The following NUDT10 variants were observed in gnomAD, a reference collection of about 807,000 sequenced individuals.
NUDT10 encodes the protein diphosphoinositol polyphosphate phosphohydrolase 3-alpha.
Under a neutral mutation model 10.5 loss-of-function variants are expected in NUDT10, and 2 were observed. The observed-to-expected ratio is 0.19, with a 90% CI of 0.08 to 0.60. NUDT10 has a LOEUF of 0.60. Ranked by LOEUF, NUDT10 falls within the 20% of genes least tolerant of loss-of-function variation. The pLI, the probability that NUDT10 is intolerant of heterozygous loss-of-function variation, is 0.89. For missense variants in NUDT10, 75 were observed against 149.5 expected (o/e 0.50, Z 2.60); for synonymous variants, 53 against 71.8 (o/e 0.74, Z 1.32).
intron 1 of NUDT10, among the ~76,000 whole-genome samples, 170 bp downstream of exon 1, chrX:51,333,629 T>TCAAGA (rs1478221886): frequency 1.8e-5 from 2 of 109,124 alleles, no homozygotes; most frequent in Non-Finnish European, 3.8e-5. Context: ...GGCCCTGTTT[T>TCAAGA]CAGTTGGCAC....
At position 51,336,335 on chromosome X, in the gene NUDT10, C is replaced by T. The variant is rs1279702458; in HGVS notation, c.*96C>T. On this transcript the variant is annotated 3_prime_UTR_variant, in exon 2 of 2. Coordinates refer to ENST00000356450, the MANE Select transcript of NUDT10 (RefSeq NM_001304963.2). ...TGTGAAGCACAGATGAGCTCTTTCA[C>T]ACTCCAAGGACACAGCTCATCCTAT... 1.2e-5 allele frequency: 6 copies of T among 518,868 alleles called. No homozygotes were observed. The highest frequency in any genetic ancestry group is 2.1e-5 in the Non-Finnish European group (6 of 284,469). 42.8% of individuals were successfully genotyped at this position (518,868 alleles called of 1,213,427 possible). A position where few individuals can be genotyped will look rare whatever the true frequency, so the allele number is the denominator to read the frequency against.
upstream of NUDT10, chrX:51,332,433 C>G (rs1276819917): frequency 8.7e-6 from 1 of 114,950 alleles, no homozygotes; most frequent in Non-Finnish European, 1.8e-5. Context: ...GTGAATTTCG[C>G]TGTGCGCCAA....
chrX:51,335,295 G>A (rs1271970302), intron 1 of NUDT10, among the ~76,000 whole-genome samples: 1 of 92,134 alleles, frequency 1.1e-5, no homozygotes, highest in Admixed American at 1.2e-4. Context: ...TCCAGCCTGG[G>A]CGACCGTCTC....
chrX:51,333,304 T>A lies in NUDT10; in HGVS notation c.339T>A (p.Ile113=), dbSNP rs201467828. The A allele has an allele frequency of 2.6e-5, 31 of 1,208,673 alleles. No individual in the cohort carries two copies. Among genetic ancestry groups the A allele is most frequent in the Middle Eastern group, 2.3e-4 (1 of 4,344 alleles). The change falls in exon 1 of 2, where the codon ATT becomes ATA. Residue 113 remains isoleucine (I), a synonymous_variant. Coordinates refer to ENST00000356450, the MANE Select transcript of NUDT10 (RefSeq NM_001304963.2). ...LLEDWEDSVS[I]GRKREWFKVE... ...AGGATTGGGAAGATTCGGTTAGCAT[T>A]GGGAGGAAGCGAGAGTGGTTCAAAG...
upstream of NUDT10, chrX:51,332,799 C>T (rs1557312193): frequency 1.5e-5 from 12 of 822,475 alleles, no homozygotes; most frequent in Admixed American, 4.0e-5. Context: ...TCATCTCTCC[C>T]TCCGCTCCCC....
rs1557312222 is a variant in NUDT10 at position 51,332,903 on chromosome X, A to C, written c.-63A>C. ...CCCAGCACCTCGGCTGCTGCCCGGC[A>C]GCGGCAGCAGCTGCGTCGGCGGCCC... On this transcript the variant is annotated 5_prime_UTR_variant, in exon 1 of 2. Coordinates refer to ENST00000356450, the MANE Select transcript of NUDT10 (RefSeq NM_001304963.2). 1.7e-6 allele frequency: 2 copies of C among 1,153,727 alleles called. No homozygotes were observed. The highest frequency in any genetic ancestry group is 3.6e-5 in the African/African-American group (2 of 56,110).
upstream of NUDT10, chrX:51,332,689 C>T: frequency 2.7e-6 from 1 of 367,748 alleles, no homozygotes; most frequent in East Asian, 4.7e-5. Flanking sequence ...GCCTCCTCCA[C>T]TCCGGCGGGC....
upstream of NUDT10, chrX:51,332,801 C>A: frequency 1.2e-6 from 1 of 834,604 alleles, no homozygotes; most frequent in Non-Finnish European, 1.6e-6. Context: ...ATCTCTCCCT[C>A]CGCTCCCCGG....
chrX:51,332,606 G>A (rs1376008056), upstream of NUDT10, among the ~76,000 whole-genome samples: 2 of 112,952 alleles, frequency 1.8e-5, no homozygotes, highest in Non-Finnish European at 3.8e-5. Context: ...GAGCGCGGAC[G>A]CGCCCGAGAA....
chrX:51,334,959 G>T (rs968847012), intron 1 of NUDT10, among the ~76,000 whole-genome samples: 1 of 110,078 alleles, frequency 9.1e-6, no homozygotes, highest in Non-Finnish European at 1.9e-5. Flanking sequence ...TAAATTCTAG[G>T]TTCCTCTTCT....
Position 51,337,294 on chromosome X carries a change from A to G in NUDT10, c.*1055A>G, listed in dbSNP as rs782491571. On this transcript the variant is annotated 3_prime_UTR_variant, in exon 2 of 2. Transcript: ENST00000356450. ...ATAATGGTTTTATCATTATGTTAGAAAGAAGGGTCCTCATCTACATTCTCA... is the reference window on the plus strand; with the variant it reads ...ATAATGGTTTTATCATTATGTTAGAGAGAAGGGTCCTCATCTACATTCTCA... 1 of 112,000 alleles carries G rather than the reference A, an allele frequency of 8.9e-6. No individual in the cohort carries two copies. Among genetic ancestry groups the G allele is most frequent in the East Asian group, 2.8e-4 (1 of 3,560 alleles). 9.2% of individuals were successfully genotyped at this position (112,000 alleles called of 1,213,427 possible). A position where few individuals can be genotyped will look rare whatever the true frequency, so the allele number is the denominator to read the frequency against.
intron 1 of NUDT10, 55 bp downstream of exon 1, chrX:51,333,514 C>T: frequency 1.7e-6 from 2 of 1,183,349 alleles, no homozygotes; most frequent in South Asian, 1.9e-5. Flanking sequence ...GCTTAAAATG[C>T]ATCCCGCCTG....
chrX:51,335,305 C>CAAAAAAA (rs35660767), intron 1 of NUDT10, among the ~76,000 whole-genome samples: 1 of 43,297 alleles, frequency 2.3e-5, no homozygotes. Context: ...GCGACCGTCT[C>CAAAAAAA]AAAAAAAAAA....
chrX:51,333,748 GC>G, intron 1 of NUDT10, among the ~76,000 whole-genome samples: 1 of 45,169 alleles, frequency 2.2e-5, no homozygotes, highest in Non-Finnish European at 4.3e-5. Flanking sequence ...CTGCTTTTGG[GC>G]GGGGGGGGGG....
At chrX:51,332,281 T>C (rs1922672570), upstream of NUDT10, 1 of 112,685 alleles carries the variant, frequency 8.9e-6, no homozygotes, top group African/African-American at 3.2e-5. Flanking sequence ...CGACGCTGCC[T>C]TTGCCCCTGT....
rs1416706811 is a variant in NUDT10, at chrX:51,337,323, A to G, written c.*1084A>G. 1 of 112,004 alleles carries G rather than the reference A, an allele frequency of 8.9e-6. No individual in the cohort carries two copies. Among genetic ancestry groups the G allele is most frequent in the Non-Finnish European group, 1.9e-5 (1 of 53,256 alleles). The allele number at this position is 112,004 out of a possible 1,213,427, so 9.2% of individuals were successfully genotyped here. A position where few individuals can be genotyped will look rare whatever the true frequency, so the allele number is the denominator to read the frequency against. ...AGGGTCCTCATCTACATTCTCAAAC[A>G]TCTGTGGCTGATATGATATGATTCT... On this transcript the variant is annotated 3_prime_UTR_variant, in exon 2 of 2. Coordinates refer to ENST00000356450, the MANE Select transcript of NUDT10 (RefSeq NM_001304963.2).
chrX:51,333,229 C>T lies in NUDT10; in HGVS notation c.264C>T (p.Asp88=), dbSNP rs2625876. 3.6e-5 allele frequency: 44 copies of T among 1,208,104 alleles called. No homozygotes were observed. Among genetic ancestry groups the T allele is most frequent in the African/African-American group, 1.9e-4 (11 of 56,699 alleles). The change falls in exon 1 of 2, where the codon GAC becomes GAT. Residue 88 remains aspartate (D), a synonymous_variant. Coordinates refer to ENST00000356450, the MANE Select transcript of NUDT10 (RefSeq NM_001304963.2). ...RLLGVFEQNQ[D]PKHRTYVYVL... ...TGGGCGTCTTCGAACAGAACCAGGACCCCAAGCACAGAACGTACGTGTATG... is the reference window on the plus strand; with the variant it reads ...TGGGCGTCTTCGAACAGAACCAGGATCCCAAGCACAGAACGTACGTGTATG...
chrX:51,335,495 A>G (rs1922817235), intron 1 of NUDT10, among the ~76,000 whole-genome samples: 1 of 111,751 alleles, frequency 8.9e-6, no homozygotes, highest in Admixed American at 9.5e-5. Context: ...TGTTCTGTTG[A>G]TCAGGTCACC....
At chrX:51,335,388 A>G (rs1177784885) in intron 1 of NUDT10, among the ~76,000 whole-genome samples, 1 of 109,794 alleles carries the variant, frequency 9.1e-6, no homozygotes, top group Non-Finnish European at 1.9e-5. Context: ...TTCTTATTCT[A>G]AAAAAAATTT....
Sources: allele counts gnomAD v4.1 joint callset (sites outside exome capture counted in the v4.1 genomes callset), GRCh38; gene constraint gnomAD v4.1.1; transcripts MANE v1.5; gene names NCBI Gene and HGNC (gene_info 2026-07-23, HGNC 2026-07-21).